The following ZNF875 variants were observed in gnomAD, a reference collection of about 807,000 sequenced individuals.
ZNF875 encodes HKR1, GLI-Kruppel zinc finger family member.
ZNF875 carries 14 observed loss-of-function variants against 11.2 expected under a neutral mutation model. The ratio of observed to expected loss-of-function variants is 1.26; its 90% CI spans 0.83 to 1.96. The LOEUF (loss-of-function observed/expected upper bound fraction) is 1.96. Among genes scored for constraint, ZNF875 ranks in the 30% most tolerant of loss-of-function variants. ZNF875 has a pLI of 0.00. For synonymous variants in ZNF875, 301 were observed against 281.1 expected (o/e 1.07, Z -0.71); for missense variants, 752 against 760.4 (o/e 0.99, Z 0.13).
At chr19:37,316,379 A>AT (rs1168693035), upstream of ZNF875, among the ~76,000 whole-genome samples, 1 of 151,958 alleles carries the variant, frequency 6.6e-6, no homozygotes, top group African/African-American at 2.4e-5. Context: ...TTGTTTATTT[A>AT]TTTTTTTGAG....
rs2040295915 is a variant in ZNF875 at position 37,363,350 on chromosome 19, C to T, written c.1498C>T (p.His500Tyr). Reference sequence around the variant, plus strand: ...AACCCTGAGCACGCACCAGAGGACACACTCAGGGGAGAAGCCATTTGTATG... The same window carrying T: ...AACCCTGAGCACGCACCAGAGGACATACTCAGGGGAGAAGCCATTTGTATG... ...KSTLSTHQRT[H>Y]SGEKPFVCAE... The change falls in exon 5 of 5, where the codon CAC becomes TAC. Residue 500 changes from histidine to tyrosine, a missense_variant. Coordinates refer to ENST00000392153, the MANE Select transcript of ZNF875 (RefSeq NM_001353803.2). The T allele has an allele frequency of 6.2e-7, 1 of 1,611,100 alleles. No individual in the cohort carries two copies. Among genetic ancestry groups the T allele is most frequent in the East Asian group, 2.2e-5 (1 of 44,772 alleles).
chr19:37,331,524 C>G (rs1336494455), upstream of ZNF875, among the ~76,000 whole-genome samples: 1 of 149,954 alleles, frequency 6.7e-6, no homozygotes, highest in Non-Finnish European at 1.5e-5. Flanking sequence ...AACCTTACCC[C>G]CAACCCCGTG....
chr19:37,323,573 A>G (rs1452345778), intron 3 of ZNF875: 2 of 152,174 alleles, frequency 1.3e-5, no homozygotes, highest in Admixed American at 1.3e-4. Flanking sequence ...TTGAACAGGT[A>G]AGGCTCACCT....
intron 4 of ZNF875, among the ~76,000 whole-genome samples, chr19:37,354,198 T>C (rs908436610): frequency 1.3e-5 from 2 of 150,574 alleles, no homozygotes; most frequent in South Asian, 2.1e-4. Context: ...AGTGAATTTT[T>C]AAATTTCAGT....
chr19:37,317,594 T>C (rs905754042), upstream of ZNF875, among the ~76,000 whole-genome samples: 2 of 152,214 alleles, frequency 1.3e-5, no homozygotes, highest in Non-Finnish European at 2.9e-5. Context: ...TCCACCAAAG[T>C]GCAGGAAACA....
chr19:37,326,342 C>A (rs2032429804), intron 4 of ZNF875, among the ~76,000 whole-genome samples: 1 of 152,078 alleles, frequency 6.6e-6, no homozygotes, highest in Non-Finnish European at 1.5e-5. Context: ...TCCCATCTAC[C>A]CCACACCCCT....
chr19:37,332,784 A>G (rs2145855019), upstream of ZNF875, among the ~76,000 whole-genome samples: 1 of 152,274 alleles, frequency 6.6e-6, no homozygotes, highest in East Asian at 1.9e-4. Flanking sequence ...CTTGATGGGC[A>G]TGACTAGATT....
At position 37,341,702 on chromosome 19, in the gene ZNF875, C is replaced by T. The variant is rs543306555; in HGVS notation, c.34-5488C>T. Reference sequence around the variant, plus strand: ...ATGTGCAAGATTAACTCACCCCCCTCCCAAGATCCCCAAAAGTTTCATCTT... The same window carrying T: ...ATGTGCAAGATTAACTCACCCCCCTTCCAAGATCCCCAAAAGTTTCATCTT... On this transcript the variant is annotated intron_variant, in intron 2 of 4. Coordinates refer to ENST00000392153, the MANE Select transcript of ZNF875 (RefSeq NM_001353803.2). Among the ~76,000 whole-genome samples the T allele has an allele frequency of 2.0e-5, 3 of 152,240 alleles. No individual in the cohort carries two copies. The South Asian group carries it at 6.2e-4, about 32-fold the overall frequency.
intron 4 of ZNF875, among the ~76,000 whole-genome samples, chr19:37,354,758 T>A (rs2038600294): frequency 6.6e-6 from 1 of 152,120 alleles, no homozygotes; most frequent in Non-Finnish European, 1.5e-5. Context: ...ACTGGGTTAG[T>A]TCTTTTGGAC....
Position 37,334,745 on chromosome 19 carries a change from C to A in ZNF875, c.-94C>A. 2.2e-6 allele frequency: 1 copy of A among 456,226 alleles called. No individual in the cohort carries two copies. The highest frequency in any genetic ancestry group is 4.4e-6 in the Non-Finnish European group (1 of 226,908). The allele number at this position is 456,226 out of a possible 1,614,324, so 28.3% of individuals were successfully genotyped here. A position where few individuals can be genotyped will look rare whatever the true frequency, so the allele number is the denominator to read the frequency against. On this transcript the variant is annotated 5_prime_UTR_variant, in exon 1 of 5. Transcript: ENST00000392153. ...CACACCTCTGCACCTTGTTACCTGA[C>A]TTTCGGCTTCAGGATCCGCAGCGTG...
intron 2 of ZNF875, among the ~76,000 whole-genome samples, chr19:37,341,936 G>A (rs1049107081): frequency 1.3e-5 from 2 of 152,192 alleles, no homozygotes; most frequent in African/African-American, 2.4e-5. Context: ...TAAGCATAGA[G>A]GAGGCCTCTC....
intron 4 of ZNF875, among the ~76,000 whole-genome samples, chr19:37,350,474 C>G (rs1228884553): frequency 6.6e-6 from 1 of 151,980 alleles, no homozygotes; most frequent in African/African-American, 2.4e-5. Context: ...TACTCTTCAC[C>G]CTGCTTTCCC....
At position 37,363,970 on chromosome 19, in the gene ZNF875, G is replaced by A. The variant is rs2040415000; in HGVS notation, c.*195G>A. 1 of 574,370 alleles carries A rather than the reference G, an allele frequency of 1.7e-6. No individual in the cohort carries two copies. Among genetic ancestry groups the A allele is most frequent in the Non-Finnish European group, 3.1e-6 (1 of 322,228 alleles). The allele number at this position is 574,370 out of a possible 1,614,324, so 35.6% of individuals were successfully genotyped here. A position where few individuals can be genotyped will look rare whatever the true frequency, so the allele number is the denominator to read the frequency against. ...TCCATCCACCTGAAGGAGAATTGCT[G>A]GCTCATTTTCAGGAGCCCTGCCCTT... On this transcript the variant is annotated 3_prime_UTR_variant, in exon 5 of 5. Coordinates refer to ENST00000392153, the MANE Select transcript of ZNF875 (RefSeq NM_001353803.2).
chr19:37,338,661 G>A (rs564642028), intron 2 of ZNF875, among the ~76,000 whole-genome samples: 41 of 152,346 alleles, frequency 2.7e-4, no homozygotes, highest in African/African-American at 9.6e-4. Flanking sequence ...AGTTGTTTAA[G>A]ATGAAACCTC....
At position 37,362,435 on chromosome 19, in the gene ZNF875, G is replaced by A. The variant is rs770872169; in HGVS notation, c.583G>A (p.Val195Met). The change falls in exon 5 of 5, where the codon GTG (valine) becomes ATG (methionine). Residue 195 changes from valine to methionine, a missense_variant. By Grantham distance (21) the Val-to-Met change is conservative. Transcript: ENST00000392153. ...QPAQSKEDNT[V>M]VDIGSSPERR... ...AGCACAGTCCAAGGAAGACAACACA[G>A]TGGTGGATATAGGGTCCAGCCCTGA... is the stretch of plus-strand genomic sequence containing the variant. 6 of 1,614,196 alleles carry A rather than the reference G, an allele frequency of 3.7e-6. 1 individual carries two copies. Among genetic ancestry groups the A allele is most frequent in the South Asian group, 1.1e-5 (1 of 91,080 alleles).
At chr19:37,337,777 C>T (rs888250276) in intron 2 of ZNF875, 2 of 150,982 alleles carry the variant, frequency 1.3e-5, no homozygotes, top group African/African-American at 4.9e-5. Context: ...AGATTGGTGA[C>T]GATGATGCCC....
upstream of ZNF875, among the ~76,000 whole-genome samples, chr19:37,333,599 G>A (rs541712422): frequency 1.6e-4 from 25 of 152,180 alleles, no homozygotes; most frequent in South Asian, 3.5e-3. Flanking sequence ...GGTGCCTTGT[G>A]GGTGTGGCTT....
At chr19:37,335,677 T>C (rs1256278964) in intron 2 of ZNF875, among the ~76,000 whole-genome samples, 1 of 152,176 alleles carries the variant, frequency 6.6e-6, no homozygotes, top group Non-Finnish European at 1.5e-5. Context: ...GACTGCATCC[T>C]TCCAACAATA....
chr19:37,315,295 G>C (rs1305918591), upstream of ZNF875: 7 of 152,220 alleles, frequency 4.6e-5, no homozygotes, highest in African/African-American at 1.7e-4. Flanking sequence ...GGAAATGATT[G>C]ATTTCAAATA....
Sources: gnomAD v4.1 joint callset for allele counts (sites outside exome capture counted in the v4.1 genomes callset) on GRCh38, gnomAD v4.1.1 for gene constraint, MANE v1.5 for transcripts, NCBI Gene and HGNC (gene_info 2026-07-23, HGNC 2026-07-21) for gene names.